EVC2: variants seen among roughly 807,000 people sequenced by gnomAD.
The protein encoded by EVC2 is EvC ciliary complex subunit 2.
Under a neutral mutation model 149.3 loss-of-function variants are expected in EVC2, and 148 were observed. That is an observed-to-expected ratio of 0.99 (90% CI 0.87 to 1.14). EVC2 has a LOEUF of 1.14. Ranked by LOEUF, EVC2 falls within the 50% of genes most tolerant of loss-of-function variation. The pLI, the probability that EVC2 is intolerant of heterozygous loss-of-function variation, is 0.00. For synonymous variants in EVC2, 776 were observed against 649.9 expected, an observed-to-expected ratio of 1.19 and a Z score of -2.95; for missense variants, 1,854 against 1,627.3, an observed-to-expected ratio of 1.14 and a Z score of -2.40.
chr4:5,574,313 G>A (rs539180527), intron 19 of EVC2, among the ~76,000 whole-genome samples: 1 of 152,160 alleles, frequency 6.6e-6, no homozygotes, highest in African/African-American at 2.4e-5. Context: ...GGTGTAGTGT[G>A]GGGTGCAGTA....
At chr4:5,541,130 G>T (rs764628724), downstream of EVC2, among the ~76,000 whole-genome samples, 1 of 152,150 alleles carries the variant, frequency 6.6e-6, no homozygotes, top group Non-Finnish European at 1.5e-5. Context: ...GTAAGAATAC[G>T]ACTTTTTAAG....
At chr4:5,704,354 C>T (rs1722006339) in intron 1 of EVC2, among the ~76,000 whole-genome samples, 1 of 152,060 alleles carries the variant, frequency 6.6e-6, no homozygotes, top group South Asian at 2.1e-4. Context: ...AAGGAGGGTG[C>T]CAAGGCCTCT....
chr4:5,576,305 C>A lies in EVC2; in HGVS notation c.3207G>T (p.Gln1069His). The A allele has an allele frequency of 6.2e-7, 1 of 1,614,196 alleles. No homozygotes were observed. Residue 1069 changes from glutamine to histidine, a missense_variant, in exon 18 of 22, where the codon CAG (glutamine) becomes CAT (histidine). Transcript: ENST00000344408. The surrounding 1 kb of genome is among the most constrained non-coding windows in gnomAD (Gnocchi z 4.5). The part of the protein sequence containing the change: ...NEPGEVDSER[Q>H]VSTVLHQALS... ...GGGCTTGGTGCAGGACAGTAGAGAC[C>A]TGCCTTTCAGAATCCACCTCCCCAG...
At chr4:5,572,826 G>A (rs1474814769) in intron 19 of EVC2, among the ~76,000 whole-genome samples, 1 of 152,110 alleles carries the variant, frequency 6.6e-6, no homozygotes, top group Admixed American at 6.6e-5. Context: ...GTTGAGAGTG[G>A]GAGATGGCTC....
intron 2 of EVC2, among the ~76,000 whole-genome samples, chr4:5,697,175 GC>G (rs1721528867): frequency 6.6e-6 from 1 of 152,218 alleles, no homozygotes; most frequent in Admixed American, 6.5e-5. Flanking sequence ...TCCAGAGGGA[GC>G]AGACAGACAC....
intron 10 of EVC2, among the ~76,000 whole-genome samples, chr4:5,639,699 T>C (rs992577531): frequency 6.6e-6 from 1 of 152,260 alleles, no homozygotes. Context: ...TAACAGGCTA[T>C]ATAGTCCAGA....
At position 5,657,068 on chromosome 4, in the gene EVC2, G is replaced by A. The variant is rs1399472936; in HGVS notation, c.1145+6039C>T. Among the ~76,000 whole-genome samples, 1 of 152,112 alleles carries A rather than the reference G, an allele frequency of 6.6e-6. No individual in the cohort carries two copies. Among genetic ancestry groups the A allele is most frequent in the Non-Finnish European group, 1.5e-5 (1 of 68,032 alleles). On this transcript the variant is annotated intron_variant, in intron 9 of 21. Coordinates refer to ENST00000344408, the MANE Select transcript of EVC2 (RefSeq NM_147127.5). This position sits in a 1 kb window ranked among gnomAD's most constrained non-coding sequence, Gnocchi z 4.7. ...TGGGCTCTATGCCCTGCCCGCCAGT[G>A]GCCTCCATGCCTCCATCCAGACCAC...
chr4:5,556,567 C>T (rs1447283340), intron 21 of EVC2, among the ~76,000 whole-genome samples: 1 of 151,632 alleles, frequency 6.6e-6, no homozygotes, highest in African/African-American at 2.4e-5. Flanking sequence ...CCAAAGCAAT[C>T]AGAAAAAAAT....
chr4:5,631,571 G>GGC (rs546090360), intron 11 of EVC2, among the ~76,000 whole-genome samples: 1 of 151,692 alleles, frequency 6.6e-6, no homozygotes, highest in South Asian at 2.1e-4. Context: ...GTAGACTGGG[G>GGC]GGGGGAACTG....
rs180850275 is a variant in EVC2 at position 5,618,956 on chromosome 4, G to C, written c.2502-274C>G. Among the ~76,000 whole-genome samples, 1 of 152,168 alleles carries C rather than the reference G, an allele frequency of 6.6e-6. No homozygotes were observed. On this transcript the variant is annotated intron_variant, in intron 14 of 21. Coordinates refer to ENST00000344408, the MANE Select transcript of EVC2 (RefSeq NM_147127.5). The surrounding 1 kb of genome is among the most constrained non-coding windows in gnomAD (Gnocchi z 4.4). The stretch of plus-strand genomic sequence containing the variant: ...AGGCAACAGGCCTTCCAGTGCCCAC[G>C]ACCTTGCAATTAACCTGGTCTCACT...
chr4:5,638,402 A>C (rs1488416975), intron 10 of EVC2, among the ~76,000 whole-genome samples: 1 of 151,932 alleles, frequency 6.6e-6, no homozygotes, highest in Non-Finnish European at 1.5e-5. Context: ...AAACAAAAAA[A>C]AAAAAATTGT....
rs1367281304 is a variant in EVC2 at position 5,679,986 on chromosome 4, T to G, written c.870+1274A>C. ...TTAAAACACTTCTTAAACTTTTTGT[T>G]AAAAACTAAGACACACATTAGCCTA... On this transcript the variant is annotated intron_variant, in intron 7 of 21. Coordinates refer to ENST00000344408, the MANE Select transcript of EVC2 (RefSeq NM_147127.5). The surrounding 1 kb of genome is among the most constrained non-coding windows in gnomAD (Gnocchi z 5.1). Among the ~76,000 whole-genome samples the G allele has an allele frequency of 6.6e-6, 1 of 152,202 alleles. No individual in the cohort carries two copies. Among genetic ancestry groups the G allele is most frequent in the East Asian group, 1.9e-4 (1 of 5,202 alleles).
Position 5,576,347 on chromosome 4 carries a change from G to C in EVC2, c.3165C>G (p.Pro1055=). 6.2e-7 allele frequency: 1 copy of C among 1,614,096 alleles called. No individual in the cohort carries two copies. The highest frequency in any genetic ancestry group is 8.5e-7 in the Non-Finnish European group (1 of 1,180,034). The change falls in exon 18 of 22, where the codon CCC becomes CCG. Residue 1055 remains proline (P), a synonymous_variant. Coordinates refer to ENST00000344408, the MANE Select transcript of EVC2 (RefSeq NM_147127.5). The surrounding 1 kb of genome is among the most constrained non-coding windows in gnomAD (Gnocchi z 4.5). ...CCTCCCCAGGTTCGTTCAGAATCCC[G>C]GGCCCATCGGCCACCCACTGCTGCC... ...ASWQQWVADG[P]GILNEPGEVD... is the part of the protein sequence containing the mutation.
chr4:5,590,797 T>C lies in EVC2; in HGVS notation c.2830-5947A>G, dbSNP rs192488153. Among the ~76,000 whole-genome samples the C allele has an allele frequency of 1.6e-3, 246 of 152,300 alleles. 1 individual carries two copies. Among genetic ancestry groups the C allele is most frequent in the Admixed American group, 3.3e-3 (50 of 15,304 alleles). On this transcript the variant is annotated intron_variant, in intron 16 of 21. Coordinates refer to ENST00000344408, the MANE Select transcript of EVC2 (RefSeq NM_147127.5). ...CCATATTTATGCTGCTATAAAGAAC[T>C]GCCTAAGAGTGAGTAATTTATAAAG...
chr4:5,595,665 G>A lies in EVC2; in HGVS notation c.2830-10815C>T, dbSNP rs1713330607. On this transcript the variant is annotated intron_variant, in intron 16 of 21. Coordinates refer to ENST00000344408, the MANE Select transcript of EVC2 (RefSeq NM_147127.5). ...CTAGGAAGAAACTGCATCAACTAAC[G>A]AGCAAAATAACCAGCTAACATCATC... 2.0e-5 allele frequency among the ~76,000 whole-genome samples: 3 copies of A among 152,210 alleles called. No homozygotes were observed. In the South Asian group the frequency reaches 6.2e-4, roughly 32 times the overall value.
downstream of EVC2, among the ~76,000 whole-genome samples, chr4:5,557,572 G>A (rs1577090315): frequency 6.6e-6 from 1 of 152,026 alleles, no homozygotes; most frequent in Non-Finnish European, 1.5e-5. Context: ...CACAAGAAAA[G>A]GAAATAAAAT....
At chr4:5,706,263 C>T (rs1722123915) in intron 1 of EVC2, among the ~76,000 whole-genome samples, 1 of 150,158 alleles carries the variant, frequency 6.7e-6, no homozygotes, top group South Asian at 2.1e-4. Flanking sequence ...CCCCTGCACA[C>T]AGCATGGGAC....
downstream of EVC2, among the ~76,000 whole-genome samples, chr4:5,560,253 C>G (rs949585917): frequency 1.3e-5 from 2 of 152,054 alleles, no homozygotes; most frequent in African/African-American, 4.8e-5. The surrounding 1 kb of genome is among the most constrained non-coding windows in gnomAD (Gnocchi z 4.1). Context: ...AGAAAACAGC[C>G]TTCACCTAGA....
At chr4:5,665,789 C>T in intron 7 of EVC2, 140 bp from the exon 8 acceptor site, 1 of 1,346,542 alleles carries the variant, frequency 7.4e-7, no homozygotes, top group Non-Finnish European at 1.0e-6. Context: ...TGCCAGCTAC[C>T]AGCTGGCTGC....
Sources: allele counts gnomAD v4.1 joint callset (sites outside exome capture counted in the v4.1 genomes callset), GRCh38; gene constraint gnomAD v4.1.1; non-coding constraint Gnocchi (gnomAD v3.1); transcripts MANE v1.5; gene names NCBI Gene and HGNC (gene_info 2026-07-23, HGNC 2026-07-21).